WWOX: variants seen among roughly 807,000 people sequenced by gnomAD.
The protein encoded by WWOX is WW domain-containing oxidoreductase.
In WWOX, 69 loss-of-function variants were observed where a neutral mutation model predicts 46.2. The observed-to-expected ratio is 1.49, with a 90% CI of 1.23 to 1.82. The LOEUF (loss-of-function observed/expected upper bound fraction) is 1.82. WWOX is among the 40% of genes most tolerant of loss of function. The pLI, the probability that WWOX is intolerant of heterozygous loss-of-function variation, is 0.00. For missense variants in WWOX, 919 were observed against 542.6 expected, an observed-to-expected ratio of 1.69 and a Z score of -6.89; for synonymous variants, 359 against 202.6, an observed-to-expected ratio of 1.77 and a Z score of -6.56.
chr16:78,631,099 C>A (rs1390379255), intron 8 of WWOX, among the ~76,000 whole-genome samples: 1 of 152,112 alleles, frequency 6.6e-6, no homozygotes, highest in African/African-American at 2.4e-5. Context: ...GCATCACATA[C>A]ATTATATGCA....
intron 8 of WWOX, among the ~76,000 whole-genome samples, chr16:78,695,245 T>C (rs1158879268): frequency 6.6e-6 from 1 of 152,172 alleles, no homozygotes; most frequent in Non-Finnish European, 1.5e-5. Context: ...TTATTATTAT[T>C]GTGTTTACAT....
chr16:79,211,056 T>TGTGTGTGTGTGTGC (rs760064090), intron 8 of WWOX, among the ~76,000 whole-genome samples: 3 of 150,314 alleles, frequency 2.0e-5, no homozygotes, highest in Non-Finnish European at 4.4e-5. Flanking sequence ...TGTGTGTGTG[T>TGTGTGTGTGTGTGC]GCATTAAATG....
At chr16:78,101,899 C>G (rs983121105) in intron 1 of WWOX, among the ~76,000 whole-genome samples, 1 of 152,138 alleles carries the variant, frequency 6.6e-6, no homozygotes, top group Non-Finnish European at 1.5e-5. Context: ...TGTGTAGGAG[C>G]GTCCCCACGC....
intron 8 of WWOX, among the ~76,000 whole-genome samples, chr16:78,785,608 C>T (rs1459943828): frequency 1.3e-5 from 2 of 151,336 alleles, no homozygotes; most frequent in African/African-American, 2.5e-5. Flanking sequence ...TCGAGATAGT[C>T]AGTTTTTACC....
intron 8 of WWOX, among the ~76,000 whole-genome samples, chr16:79,197,611 G>T (rs1323360289): frequency 6.6e-6 from 1 of 152,168 alleles, no homozygotes; most frequent in Non-Finnish European, 1.5e-5. Flanking sequence ...ATTCCTCACT[G>T]CCACAAACAG....
Position 78,710,147 on chromosome 16 carries a change from C to A in WWOX, c.1056+277395C>A, listed in dbSNP as rs142405481. Among the ~76,000 whole-genome samples, 15 of 152,090 alleles carry A rather than the reference C, an allele frequency of 9.9e-5. No homozygotes were observed. In the East Asian group the frequency reaches 2.9e-3, roughly 30 times the overall value. Reference sequence around the variant, plus strand: ...TACAGGGATGTCTGCCTCATGTTGACCTGCTTGTGTTTACCACCTAGAGGC... The same window carrying A: ...TACAGGGATGTCTGCCTCATGTTGAACTGCTTGTGTTTACCACCTAGAGGC... On this transcript the variant is annotated intron_variant, in intron 8 of 8. Coordinates refer to ENST00000566780, the MANE Select transcript of WWOX (RefSeq NM_016373.4).
At chr16:78,874,457 G>A (rs375624975) in intron 8 of WWOX, among the ~76,000 whole-genome samples, 10 of 151,948 alleles carry the variant, frequency 6.6e-5, no homozygotes, top group Admixed American at 5.3e-4. Flanking sequence ...CTCCAACTGG[G>A]TCGATTTCAA....
chr16:78,585,363 T>C (rs1322595155), intron 8 of WWOX, among the ~76,000 whole-genome samples: 2 of 152,234 alleles, frequency 1.3e-5, no homozygotes, highest in African/African-American at 4.8e-5. Flanking sequence ...AGGCTGGAAA[T>C]TCGTTAGCAT....
At chr16:78,615,086 T>C (rs1257354082) in intron 8 of WWOX, among the ~76,000 whole-genome samples, 2 of 152,226 alleles carry the variant, frequency 1.3e-5, no homozygotes. Flanking sequence ...GGGGACACTC[T>C]AGTGAAATTC....
At chr16:78,470,374 G>A (rs982825599) in intron 8 of WWOX, among the ~76,000 whole-genome samples, 4 of 152,280 alleles carry the variant, frequency 2.6e-5, no homozygotes, top group East Asian at 3.9e-4. Flanking sequence ...AATCACTTTG[G>A]ATTCTCATTT....
intron 8 of WWOX, among the ~76,000 whole-genome samples, chr16:79,092,421 C>A (rs1442243938): frequency 6.6e-6 from 1 of 152,132 alleles, no homozygotes. Context: ...TTAGTTGTTC[C>A]AACATGATTG....
chr16:78,279,947 T>C (rs1015985753), intron 5 of WWOX, among the ~76,000 whole-genome samples: 1 of 152,222 alleles, frequency 6.6e-6, no homozygotes, highest in Non-Finnish European at 1.5e-5. Context: ...TATCTCCTTA[T>C]GGAAAACAGG....
chr16:78,978,003 C>T (rs925885564), intron 8 of WWOX, among the ~76,000 whole-genome samples: 6 of 152,094 alleles, frequency 3.9e-5, no homozygotes, highest in African/African-American at 1.4e-4. Flanking sequence ...TTTGTATCTC[C>T]CCACAATAAA....
At chr16:78,171,210 G>A (rs556627345) in intron 5 of WWOX, among the ~76,000 whole-genome samples, 1 of 152,278 alleles carries the variant, frequency 6.6e-6, no homozygotes, top group African/African-American at 2.4e-5. Flanking sequence ...TCCCTGCCGG[G>A]AAACTGCCGC....
In WWOX at chr16:78,556,762, C is replaced by G. The variant is rs552989198; in HGVS notation, c.1056+124010C>G. The stretch of plus-strand genomic sequence containing the variant: ...ATGGACTTTCGCTTTTTTGCCCAGC[C>G]TGGAGTGAAGTGGCATGATCTCGGC... On this transcript the variant is annotated intron_variant, in intron 8 of 8. Coordinates refer to ENST00000566780, the MANE Select transcript of WWOX (RefSeq NM_016373.4). 3.3e-5 allele frequency among the ~76,000 whole-genome samples: 5 copies of G among 152,060 alleles called. No homozygotes were observed. The South Asian group carries it at 6.3e-4, about 19-fold the overall frequency.
chr16:79,158,629 T>C (rs1472339981), intron 8 of WWOX, among the ~76,000 whole-genome samples: 1 of 152,224 alleles, frequency 6.6e-6, no homozygotes, highest in Non-Finnish European at 1.5e-5. Context: ...CCTCAGGGCC[T>C]TCACCTTCAG....
chr16:78,469,555 G>A (rs759006427), intron 8 of WWOX, among the ~76,000 whole-genome samples: 17 of 152,182 alleles, frequency 1.1e-4, no homozygotes, highest in African/African-American at 4.1e-4. Flanking sequence ...CATGGGGTGT[G>A]CAGAAGGGCT....
chr16:79,035,529 G>C (rs934427654), intron 8 of WWOX, among the ~76,000 whole-genome samples: 10 of 152,002 alleles, frequency 6.6e-5, no homozygotes, highest in African/African-American at 1.5e-4. Context: ...GAAAGAGTCA[G>C]CTTATTTTAT....
intron 8 of WWOX, among the ~76,000 whole-genome samples, chr16:78,493,382 G>T (rs1171616166): frequency 3.9e-5 from 6 of 152,176 alleles, no homozygotes; most frequent in Admixed American, 3.9e-4. Flanking sequence ...AGTTCATTTA[G>T]GCGTGGCTTG....
Sources: gnomAD v4.1 joint callset for allele counts (sites outside exome capture counted in the v4.1 genomes callset) on GRCh38, gnomAD v4.1.1 for gene constraint, MANE v1.5 for transcripts, NCBI Gene and HGNC (gene_info 2026-07-23, HGNC 2026-07-21) for gene names.